The following LYRM9 variants were observed in gnomAD, a reference collection of about 807,000 sequenced individuals.
LYRM9 encodes LYR motif containing 9.
Under a neutral mutation model 12.6 loss-of-function variants are expected in LYRM9, and 14 were observed. The ratio of observed to expected loss-of-function variants is 1.11; its 90% CI spans 0.73 to 1.73. The LOEUF is 1.73. LYRM9 is among the 40% of genes most tolerant of loss of function. LYRM9 has a pLI of 0.00. For synonymous variants in LYRM9, 42 were observed against 35.1 expected, an observed-to-expected ratio of 1.20 and a Z score of -0.69; for missense variants, 94 against 95.0, an observed-to-expected ratio of 0.99 and a Z score of 0.04.
chr17:27,880,070 C>G, intron 3 of LYRM9: 1 of 700,896 alleles, frequency 1.4e-6, no homozygotes, highest in Non-Finnish European at 2.6e-6. Context: ...AGAGTGAGAG[C>G]CCCTCCCCAC....
chr17:27,882,388 CCT>C (rs1905089740), intron 2 of LYRM9, among the ~76,000 whole-genome samples, 179 bp downstream of exon 2: 1 of 152,290 alleles, frequency 6.6e-6, no homozygotes, highest in South Asian at 2.1e-4. Flanking sequence ...GGTGAGGCAC[CCT>C]CTGTTTCCTG....
At chr17:27,890,962 A>G (rs1352945801) in intron 1 of LYRM9, among the ~76,000 whole-genome samples, 1 of 149,892 alleles carries the variant, frequency 6.7e-6, no homozygotes, top group Non-Finnish European at 1.5e-5. Flanking sequence ...CCAAGGCTCT[A>G]AAGTCCCCTC....
At chr17:27,889,682 A>AG (rs1445683023) in intron 1 of LYRM9, among the ~76,000 whole-genome samples, 10 of 152,230 alleles carry the variant, frequency 6.6e-5, no homozygotes, top group Admixed American at 3.3e-4. Flanking sequence ...CACCATCCTT[A>AG]GGGGGGTCTG....
chr17:27,887,725 T>G (rs896683267), intron 1 of LYRM9, among the ~76,000 whole-genome samples: 5 of 138,674 alleles, frequency 3.6e-5, no homozygotes, highest in Admixed American at 1.4e-4. Flanking sequence ...TGTGTGTGTG[T>G]GTGTGTGTGT....
chr17:27,886,660 T>A lies in LYRM9; in HGVS notation c.-18-3948A>T, dbSNP rs868335148. 0.012 allele frequency among the ~76,000 whole-genome samples: 1,776 copies of A among 151,212 alleles called. 32 individuals carry two copies. The highest frequency in any genetic ancestry group is 0.04 in the African/African-American group (1,646 of 41,254). On this transcript the variant is annotated intron_variant, in intron 1 of 3. Transcript: ENST00000379102. This position sits in a 1 kb window ranked among gnomAD's most constrained non-coding sequence, Gnocchi z 4.8. ...CTTTTCTTTTCTTTTTTTATTTTTT[T>A]TTTTTTGAGACAGAGTTTCGCTCTT...
intron 1 of LYRM9, among the ~76,000 whole-genome samples, chr17:27,888,918 A>G (rs911304126): frequency 6.6e-6 from 1 of 152,092 alleles, no homozygotes; most frequent in Non-Finnish European, 1.5e-5. Context: ...TCACTCCACA[A>G]AGAGCTCTAC....
intron 1 of LYRM9, among the ~76,000 whole-genome samples, chr17:27,883,727 A>C (rs182428825): frequency 1.2e-3 from 187 of 151,630 alleles, no homozygotes; most frequent in African/African-American, 4.4e-3. Context: ...TAATGCACAC[A>C]TAAGAAAACC....
In LYRM9 at chr17:27,882,716, G is replaced by T; in HGVS notation, c.-18-4C>A. 1 of 1,583,246 alleles carries T rather than the reference G, an allele frequency of 6.3e-7. No individual in the cohort carries two copies. The highest frequency in any genetic ancestry group is 1.2e-5 in the South Asian group (1 of 85,584). Reference sequence around the variant, plus strand: ...CCATCCGTGAGACCCTCTGTCCCTGGAAAACAAGCAGGATCACTTCCAGGG... The same window carrying T: ...CCATCCGTGAGACCCTCTGTCCCTGTAAAACAAGCAGGATCACTTCCAGGG... On this transcript the variant is annotated splice_region_variant and splice_polypyrimidine_tract_variant and intron_variant, in intron 1 of 3. Coordinates refer to ENST00000379102, the MANE Select transcript of LYRM9 (RefSeq NM_001076680.3).
chr17:27,891,358 T>C (rs1905437986), intron 1 of LYRM9, among the ~76,000 whole-genome samples: 1 of 152,194 alleles, frequency 6.6e-6, no homozygotes, highest in Non-Finnish European at 1.5e-5. Context: ...TTAACTTCTA[T>C]CTCGAAGTCT....
In LYRM9 at chr17:27,886,154, G is replaced by A. The variant is rs576522254; in HGVS notation, c.-18-3442C>T. ...AATCAAATATTGTAAAATGCTAGTC[G>A]CGGAACAGATGGTTACCATCTGCAG... On this transcript the variant is annotated intron_variant, in intron 1 of 3. Transcript: ENST00000379102. This position sits in a 1 kb window ranked among gnomAD's most constrained non-coding sequence, Gnocchi z 4.8. Among the ~76,000 whole-genome samples the A allele has an allele frequency of 4.0e-4, 61 of 152,254 alleles. No individual in the cohort carries two copies. The highest frequency in any genetic ancestry group is 1.3e-3 in the African/African-American group (54 of 41,540).
At chr17:27,881,654 C>T (rs1476574648) in intron 2 of LYRM9, among the ~76,000 whole-genome samples, 4 of 152,126 alleles carry the variant, frequency 2.6e-5, no homozygotes. Flanking sequence ...AAGTTGCAGA[C>T]ACGCTATCCT....
At position 27,879,051 on chromosome 17, in the gene LYRM9, G is replaced by A. The variant is rs1904944590; in HGVS notation, c.*422C>T. On this transcript the variant is annotated 3_prime_UTR_variant, in exon 4 of 4. Coordinates refer to ENST00000379102, the MANE Select transcript of LYRM9 (RefSeq NM_001076680.3). ...ACTTCACCTTCATCTTATTGCATCT[G>A]GGATTCAAATCCAGATCTGTCTGGT... 6.1e-6 allele frequency: 1 copy of A among 164,890 alleles called. No individual in the cohort carries two copies. Among genetic ancestry groups the A allele is most frequent in the Non-Finnish European group, 1.3e-5 (1 of 76,414 alleles). 10.2% of individuals were successfully genotyped at this position (164,890 alleles called of 1,614,324 possible). A position where few individuals can be genotyped will look rare whatever the true frequency, so the allele number is the denominator to read the frequency against.
chr17:27,880,443 C>T (rs1257236324), intron 2 of LYRM9, 77 bp from the exon 3 acceptor site: 4 of 1,017,954 alleles, frequency 3.9e-6, no homozygotes. Flanking sequence ...AATCACAGGC[C>T]AGGGACACTG....
intron 1 of LYRM9, among the ~76,000 whole-genome samples, chr17:27,889,965 G>A (rs1263086153): frequency 1.3e-5 from 2 of 152,120 alleles, no homozygotes; most frequent in Non-Finnish European, 2.9e-5. Flanking sequence ...TGCCAAGTTT[G>A]AGAGCTTTTC....
intron 2 of LYRM9, among the ~76,000 whole-genome samples, chr17:27,881,819 T>G (rs1905068330): frequency 6.6e-6 from 1 of 152,174 alleles, no homozygotes; most frequent in South Asian, 2.1e-4. Flanking sequence ...ATTCATTTTT[T>G]TTTTTTGAGG....
At chr17:27,885,482 G>A (rs552654473) in intron 1 of LYRM9, among the ~76,000 whole-genome samples, 1 of 152,186 alleles carries the variant, frequency 6.6e-6, no homozygotes, top group South Asian at 2.1e-4. Flanking sequence ...AGGCTGCGAT[G>A]GGTGGATTGC....
intron 2 of LYRM9, 34 bp from the exon 3 acceptor site, chr17:27,880,400 C>CA (rs908592156): frequency 6.5e-7 from 1 of 1,533,274 alleles, no homozygotes; most frequent in Admixed American, 1.9e-5. Flanking sequence ...GATGACTAGG[C>CA]AAAATTCCCA....
At chr17:27,884,638 G>T (rs1250246009) in intron 1 of LYRM9, among the ~76,000 whole-genome samples, 1 of 152,188 alleles carries the variant, frequency 6.6e-6, no homozygotes, top group African/African-American at 2.4e-5. Context: ...TCATGGTGCT[G>T]CCAGGGACTC....
intron 3 of LYRM9, chr17:27,879,907 C>CG: frequency 1.7e-6 from 1 of 592,488 alleles, no homozygotes; most frequent in Non-Finnish European, 3.0e-6. Context: ...GAATACCCCC[C>CG]AGAGACAGGG....
Sources: gnomAD v4.1 joint callset for allele counts (sites outside exome capture counted in the v4.1 genomes callset) on GRCh38, gnomAD v4.1.1 for gene constraint, Gnocchi (gnomAD v3.1) non-coding constraint, MANE v1.5 for transcripts, NCBI Gene and HGNC (gene_info 2026-07-23, HGNC 2026-07-21) for gene names.